Variants in KRTAP15-1 observed in about 807,000 individuals in gnomAD.
KRTAP15-1 encodes keratin-associated protein 15-1.
For missense variants in KRTAP15-1, 181 were observed against 156.8 expected (o/e 1.15, Z -0.83); for synonymous variants, 65 against 59.6 (o/e 1.09, Z -0.42).
Position 30,440,765 on chromosome 21 carries a change from T to C in KRTAP15-1, c.*24T>C, listed in dbSNP as rs1984705266. On this transcript the variant is annotated 3_prime_UTR_variant, in exon 1 of 1. Coordinates refer to ENST00000334067, the MANE Select transcript of KRTAP15-1 (RefSeq NM_181623.3). ...AACCAGCCTTTGGGTCTCGCCTTTT[T>C]GGATCATCTTACTGAATATTCTCCA... 1.3e-6 allele frequency: 2 copies of C among 1,585,040 alleles called. No individual in the cohort carries two copies. The highest frequency in any genetic ancestry group is 4.5e-5 in the East Asian group (2 of 44,738).
rs760996789 is a variant in KRTAP15-1, at chr21:30,440,407, A to G, written c.80A>G (p.Asn27Ser). The change falls in exon 1 of 1, where the codon AAT becomes AGT. Residue 27 changes from asparagine to serine, a missense_variant. Coordinates refer to ENST00000334067, the MANE Select transcript of KRTAP15-1 (RefSeq NM_181623.3). ...SYLRYPVSTYNLFYPSNAIYS... is the reference protein window; with the variant it reads ...SYLRYPVSTYSLFYPSNAIYS... The stretch of plus-strand genomic sequence containing the variant: ...CTGAGGTATCCAGTTTCCACTTATA[A>G]TTTGTTCTACCCCAGCAATGCCATC... 4 of 1,614,030 alleles carry G rather than the reference A, an allele frequency of 2.5e-6. No homozygotes were observed. In the East Asian group the frequency reaches 8.9e-5, roughly 36 times the overall value.
In KRTAP15-1 at chr21:30,440,615, A is replaced by T; in HGVS notation, c.288A>T (p.Gly96=). ...PRQTNYIRSL[G]CGNTGLGSLG... The stretch of plus-strand genomic sequence containing the variant: ...AGACTAACTACATAAGATCCCTTGG[A>T]TGTGGAAACACTGGCCTTGGATCTC... Residue 96 remains glycine (G), a synonymous_variant, in exon 1 of 1, where the codon GGA becomes GGT. Coordinates refer to ENST00000334067, the MANE Select transcript of KRTAP15-1 (RefSeq NM_181623.3). The T allele has an allele frequency of 6.2e-7, 1 of 1,614,162 alleles. No homozygotes were observed. Among genetic ancestry groups the T allele is most frequent in the East Asian group, 2.2e-5 (1 of 44,886 alleles).
At position 30,440,369 on chromosome 21, in the gene KRTAP15-1, T is replaced by C; in HGVS notation, c.42T>C (p.Cys14=). The C allele has an allele frequency of 6.2e-7, 1 of 1,613,132 alleles. No homozygotes were observed. The highest frequency in any genetic ancestry group is 8.5e-7 in the Non-Finnish European group (1 of 1,179,458). Residue 14 remains cysteine, a synonymous_variant, in exon 1 of 1, where the codon TGT becomes TGC. Transcript: ENST00000334067. Reference sequence around the variant, plus strand: ...GCTCTGGAAACTTCTCCTCCTGCTGTTTTGGAAGTTACCTGAGGTATCCAG... The same window carrying C: ...GCTCTGGAAACTTCTCCTCCTGCTGCTTTGGAAGTTACCTGAGGTATCCAG... The part of the protein sequence containing the change: ...NCSSGNFSSC[C]FGSYLRYPVS...
rs149202971 is a variant in KRTAP15-1 at position 30,440,734 on chromosome 21, G to T, written c.407G>T (p.Cys136Phe). The change falls in exon 1 of 1, where the codon TGT becomes TTT. Residue 136 changes from cysteine to phenylalanine, a missense_variant. Cys to Phe is a radical substitution (Grantham distance 205). Coordinates refer to ENST00000334067, the MANE Select transcript of KRTAP15-1 (RefSeq NM_181623.3). ...TCATCCAGGAATTTCCAGGCAACTTGTTACTAACCAGCCTTTGGGTCTCGC... is the reference window on the plus strand; with the variant it reads ...TCATCCAGGAATTTCCAGGCAACTTTTTACTAACCAGCCTTTGGGTCTCGC... Reference protein sequence around the residue: ...TFSSRNFQATCY With the variant: ...TFSSRNFQATFY 6.2e-7 allele frequency: 1 copy of T among 1,611,722 alleles called. No individual in the cohort carries two copies. Among genetic ancestry groups the T allele is most frequent in the Admixed American group, 1.7e-5 (1 of 59,752 alleles).
In KRTAP15-1 at chr21:30,440,617, G is replaced by A; in HGVS notation, c.290G>A (p.Cys97Tyr). The A allele has an allele frequency of 1.2e-6, 2 of 1,614,202 alleles. No homozygotes were observed. The highest frequency in any genetic ancestry group is 1.7e-6 in the Non-Finnish European group (2 of 1,180,032). The change falls in exon 1 of 1, where the codon TGT (cysteine) becomes TAT (tyrosine). Residue 97 changes from cysteine to tyrosine, a missense_variant. Physicochemically the swap from Cys to Tyr is radical, Grantham distance 194. Coordinates refer to ENST00000334067, the MANE Select transcript of KRTAP15-1 (RefSeq NM_181623.3). Reference sequence around the variant, plus strand: ...ACTAACTACATAAGATCCCTTGGATGTGGAAACACTGGCCTTGGATCTCTT... The same window carrying A: ...ACTAACTACATAAGATCCCTTGGATATGGAAACACTGGCCTTGGATCTCTT... ...RQTNYIRSLG[C>Y]GNTGLGSLGC... is the part of the protein sequence containing the mutation.
In KRTAP15-1 at chr21:30,440,842, C is replaced by T. The variant is rs1364876774; in HGVS notation, c.*101C>T. 1 of 1,137,124 alleles carries T rather than the reference C, an allele frequency of 8.8e-7. No homozygotes were observed. Among genetic ancestry groups the T allele is most frequent in the East Asian group, 2.4e-5 (1 of 42,434 alleles). 70.4% of individuals were successfully genotyped at this position (1,137,124 alleles called of 1,614,324 possible). A position where few individuals can be genotyped will look rare whatever the true frequency, so the allele number is the denominator to read the frequency against. On this transcript the variant is annotated 3_prime_UTR_variant, in exon 1 of 1. Transcript: ENST00000334067. ...ATGGAACTGCAACACTCAGCCTGTCCAATATCTGTGATTGTTGACCATCTA... is the reference window on the plus strand; with the variant it reads ...ATGGAACTGCAACACTCAGCCTGTCTAATATCTGTGATTGTTGACCATCTA...
Position 30,440,432 on chromosome 21 carries a change from C to T in KRTAP15-1, c.105C>T (p.Ile35=), listed in dbSNP as rs150201622. 126 of 1,614,078 alleles carry T rather than the reference C, an allele frequency of 7.8e-5. No homozygotes were observed. The East Asian group carries it at 2.8e-3, about 36-fold the overall frequency. ...ATTTGTTCTACCCCAGCAATGCCATCTATTCTCCAAATACCTGCCAACTGG... is the reference window on the plus strand; with the variant it reads ...ATTTGTTCTACCCCAGCAATGCCATTTATTCTCCAAATACCTGCCAACTGG... ...TYNLFYPSNA[I]YSPNTCQLGS... Residue 35 remains isoleucine, a synonymous_variant, in exon 1 of 1, where the codon ATC becomes ATT. Coordinates refer to ENST00000334067, the MANE Select transcript of KRTAP15-1 (RefSeq NM_181623.3).
chr21:30,440,411 G>T lies in KRTAP15-1; in HGVS notation c.84G>T (p.Leu28Phe). ...GGTATCCAGTTTCCACTTATAATTTGTTCTACCCCAGCAATGCCATCTATT... is the reference window on the plus strand; with the variant it reads ...GGTATCCAGTTTCCACTTATAATTTTTTCTACCCCAGCAATGCCATCTATT... The part of the protein sequence containing the change: ...YLRYPVSTYN[L>F]FYPSNAIYSP... Residue 28 changes from leucine to phenylalanine, a missense_variant, in exon 1 of 1, where the codon TTG (leucine) becomes TTT (phenylalanine). By Grantham distance (22) the Leu-to-Phe change is conservative. Transcript: ENST00000334067. 6.2e-7 allele frequency: 1 copy of T among 1,614,002 alleles called. No individual in the cohort carries two copies. The highest frequency in any genetic ancestry group is 8.5e-7 in the Non-Finnish European group (1 of 1,179,972).
At position 30,440,630 on chromosome 21, in the gene KRTAP15-1, C is replaced by A; in HGVS notation, c.303C>A (p.Gly101=). The change falls in exon 1 of 1, where the codon GGC becomes GGA. Residue 101 remains glycine, a synonymous_variant. Coordinates refer to ENST00000334067, the MANE Select transcript of KRTAP15-1 (RefSeq NM_181623.3). Reference sequence around the variant, plus strand: ...GATCCCTTGGATGTGGAAACACTGGCCTTGGATCTCTTGGTTGTGGAAGCA... The same window carrying A: ...GATCCCTTGGATGTGGAAACACTGGACTTGGATCTCTTGGTTGTGGAAGCA... ...YIRSLGCGNT[G]LGSLGCGSTG... 6.2e-7 allele frequency: 1 copy of A among 1,614,154 alleles called. No homozygotes were observed. Among genetic ancestry groups the A allele is most frequent in the African/African-American group, 1.3e-5 (1 of 75,020 alleles).
chr21:30,440,867 A>G lies in KRTAP15-1; in HGVS notation c.*126A>G. 1 of 909,514 alleles carries G rather than the reference A, an allele frequency of 1.1e-6. No homozygotes were observed. The highest frequency in any genetic ancestry group is 2.4e-5 in the East Asian group (1 of 41,336). The allele number at this position is 909,514 out of a possible 1,614,324, so 56.3% of individuals were successfully genotyped here. A position where few individuals can be genotyped will look rare whatever the true frequency, so the allele number is the denominator to read the frequency against. ...CAATATCTGTGATTGTTGACCATCT[A>G]CATCAGTAGGACTCAGCATCCTAGC... On this transcript the variant is annotated 3_prime_UTR_variant, in exon 1 of 1. Coordinates refer to ENST00000334067, the MANE Select transcript of KRTAP15-1 (RefSeq NM_181623.3).
Position 30,440,485 on chromosome 21 carries a change from A to G in KRTAP15-1, c.158A>G (p.Glu53Gly). 2 of 1,614,164 alleles carry G rather than the reference A, an allele frequency of 1.2e-6. No homozygotes were observed. The highest frequency in any genetic ancestry group is 1.7e-6 in the Non-Finnish European group (2 of 1,179,992). The change falls in exon 1 of 1, where the codon GAG becomes GGG. Residue 53 changes from glutamate to glycine, a missense_variant. By Grantham distance (98) the Glu-to-Gly change is moderately conservative (BLOSUM62 -2). Transcript: ENST00000334067. ...LGSSLYNGCQETYCEPTSCQT... is the reference protein window; with the variant it reads ...LGSSLYNGCQGTYCEPTSCQT... ...TCCTCTCTCTACAATGGCTGTCAGG[A>G]GACCTACTGTGAGCCCACCAGCTGC... is the stretch of plus-strand genomic sequence containing the variant.
chr21:30,440,542 A>G lies in KRTAP15-1; in HGVS notation c.215A>G (p.Gln72Arg). The G allele has an allele frequency of 6.2e-7, 1 of 1,614,156 alleles. No individual in the cohort carries two copies. The highest frequency in any genetic ancestry group is 8.5e-7 in the Non-Finnish European group (1 of 1,180,014). The change falls in exon 1 of 1, where the codon CAG becomes CGG. Residue 72 changes from glutamine (Q) to arginine (R), a missense_variant. By Grantham distance (43) the Gln-to-Arg change is conservative (BLOSUM62 1). Coordinates refer to ENST00000334067, the MANE Select transcript of KRTAP15-1 (RefSeq NM_181623.3). ...QTSCTLARSY[Q>R]TSCYCPKNSI... Reference sequence around the variant, plus strand: ...TCCTGCACTTTGGCCAGATCCTATCAGACATCCTGTTACTGCCCAAAGAAT... The same window carrying G: ...TCCTGCACTTTGGCCAGATCCTATCGGACATCCTGTTACTGCCCAAAGAAT...
Position 30,440,857 on chromosome 21 carries a change from T to C in KRTAP15-1, c.*116T>C, listed in dbSNP as rs929998504. 11 of 1,007,174 alleles carry C rather than the reference T, an allele frequency of 1.1e-5. No individual in the cohort carries two copies. The highest frequency in any genetic ancestry group is 1.6e-5 in the African/African-American group (1 of 61,806). 62.4% of individuals were successfully genotyped at this position (1,007,174 alleles called of 1,614,324 possible). A position where few individuals can be genotyped will look rare whatever the true frequency, so the allele number is the denominator to read the frequency against. ...TCAGCCTGTCCAATATCTGTGATTGTTGACCATCTACATCAGTAGGACTCA... is the reference window on the plus strand; with the variant it reads ...TCAGCCTGTCCAATATCTGTGATTGCTGACCATCTACATCAGTAGGACTCA... On this transcript the variant is annotated 3_prime_UTR_variant, in exon 1 of 1. Coordinates refer to ENST00000334067, the MANE Select transcript of KRTAP15-1 (RefSeq NM_181623.3).
Position 30,440,487 on chromosome 21 carries a change from A to G in KRTAP15-1, c.160A>G (p.Thr54Ala), listed in dbSNP as rs1984692193. 3 of 1,614,052 alleles carry G rather than the reference A, an allele frequency of 1.9e-6. No homozygotes were observed. Among genetic ancestry groups the G allele is most frequent in the Non-Finnish European group, 2.5e-6 (3 of 1,179,962 alleles). ...GSSLYNGCQETYCEPTSCQTS... is the reference protein window; with the variant it reads ...GSSLYNGCQEAYCEPTSCQTS... Reference sequence around the variant, plus strand: ...CTCTCTCTACAATGGCTGTCAGGAGACCTACTGTGAGCCCACCAGCTGCCA... The same window carrying G: ...CTCTCTCTACAATGGCTGTCAGGAGGCCTACTGTGAGCCCACCAGCTGCCA... The change falls in exon 1 of 1, where the codon ACC becomes GCC. Residue 54 changes from threonine to alanine, a missense_variant. Physicochemically the swap from Thr to Ala is moderately conservative, Grantham distance 58. Coordinates refer to ENST00000334067, the MANE Select transcript of KRTAP15-1 (RefSeq NM_181623.3).
Position 30,440,507 on chromosome 21 carries a change from C to A in KRTAP15-1, c.180C>A (p.Ser60Arg). The change falls in exon 1 of 1, where the codon AGC (serine) becomes AGA (arginine). Residue 60 changes from serine to arginine, a missense_variant. By Grantham distance (110) the Ser-to-Arg change is moderately radical. Coordinates refer to ENST00000334067, the MANE Select transcript of KRTAP15-1 (RefSeq NM_181623.3). Reference protein sequence around the residue: ...GCQETYCEPTSCQTSCTLARS... With the variant: ...GCQETYCEPTRCQTSCTLARS... ...AGGAGACCTACTGTGAGCCCACCAGCTGCCAGACATCCTGCACTTTGGCCA... is the reference window on the plus strand; with the variant it reads ...AGGAGACCTACTGTGAGCCCACCAGATGCCAGACATCCTGCACTTTGGCCA... 6.2e-7 allele frequency: 1 copy of A among 1,614,208 alleles called. No homozygotes were observed. Among genetic ancestry groups the A allele is most frequent in the Non-Finnish European group, 8.5e-7 (1 of 1,180,036 alleles).
chr21:30,440,382 C>T lies in KRTAP15-1; in HGVS notation c.55C>T (p.Leu19=). ...CTCCTCCTGCTGTTTTGGAAGTTAC[C>T]TGAGGTATCCAGTTTCCACTTATAA... ...NFSSCCFGSY[L]RYPVSTYNLF... The change falls in exon 1 of 1, where the codon CTG becomes TTG. Residue 19 remains leucine (L), a synonymous_variant. Transcript: ENST00000334067. 6 of 1,613,804 alleles carry T rather than the reference C, an allele frequency of 3.7e-6. No individual in the cohort carries two copies. The highest frequency in any genetic ancestry group is 5.1e-6 in the Non-Finnish European group (6 of 1,179,828).
At position 30,440,474 on chromosome 21, in the gene KRTAP15-1, T is replaced by C; in HGVS notation, c.147T>C (p.Asn49=). 1.2e-6 allele frequency: 2 copies of C among 1,614,196 alleles called. No individual in the cohort carries two copies. Among genetic ancestry groups the C allele is most frequent in the Non-Finnish European group, 1.7e-6 (2 of 1,179,998 alleles). Residue 49 remains asparagine, a synonymous_variant, in exon 1 of 1, where the codon AAT becomes AAC. Coordinates refer to ENST00000334067, the MANE Select transcript of KRTAP15-1 (RefSeq NM_181623.3). ...NTCQLGSSLY[N]GCQETYCEPT... ...GCCAACTGGGCTCCTCTCTCTACAATGGCTGTCAGGAGACCTACTGTGAGC... is the reference window on the plus strand; with the variant it reads ...GCCAACTGGGCTCCTCTCTCTACAACGGCTGTCAGGAGACCTACTGTGAGC...
the KRTAP15-1 span, chr21:30,440,582 TC>T: frequency 3.7e-6 from 6 of 1,614,138 alleles, no homozygotes; most frequent in South Asian, 6.6e-5. Flanking sequence ...TCTTCTGCAG[TC>T]CCCGCCAGAC....
In KRTAP15-1 at chr21:30,440,492, C is replaced by T; in HGVS notation, c.165C>T (p.Tyr55=). The T allele has an allele frequency of 6.2e-7, 1 of 1,614,172 alleles. No homozygotes were observed. The highest frequency in any genetic ancestry group is 8.5e-7 in the Non-Finnish European group (1 of 1,179,988). Residue 55 remains tyrosine, a synonymous_variant, in exon 1 of 1, where the codon TAC becomes TAT. Coordinates refer to ENST00000334067, the MANE Select transcript of KRTAP15-1 (RefSeq NM_181623.3). ...TCTACAATGGCTGTCAGGAGACCTA[C>T]TGTGAGCCCACCAGCTGCCAGACAT... The part of the protein sequence containing the change: ...SSLYNGCQET[Y]CEPTSCQTSC...
Sources: allele counts gnomAD v4.1 joint callset, GRCh38; gene constraint gnomAD v4.1.1; transcripts MANE v1.5; gene names NCBI Gene and HGNC (gene_info 2026-07-23, HGNC 2026-07-21).